The following GTF2F2 variants were observed in gnomAD, a reference collection of about 807,000 sequenced individuals.
GTF2F2 encodes ATP-dependent helicase GTF2F2.
GTF2F2 carries 23 observed loss-of-function variants against 42.2 expected under a neutral mutation model. The ratio of observed to expected loss-of-function variants is 0.55; its 90% CI spans 0.39 to 0.77. GTF2F2 has a LOEUF of 0.77. Among genes scored for constraint, GTF2F2 ranks in the 30% least tolerant of loss-of-function variants. GTF2F2 has a pLI of 0.00. For synonymous variants in GTF2F2, 105 were observed against 100.8 expected (o/e 1.04, Z -0.25); for missense variants, 261 against 287.2 (o/e 0.91, Z 0.66).
chr13:45,131,808 G>C (rs1187780616), intron 1 of GTF2F2, among the ~76,000 whole-genome samples: 1 of 151,402 alleles, frequency 6.6e-6, no homozygotes, highest in African/African-American at 2.4e-5. Flanking sequence ...GGGAGGCTGA[G>C]GTGGGAGTAT....
At chr13:45,154,407 T>C (rs559254204) in intron 4 of GTF2F2, among the ~76,000 whole-genome samples, 2 of 152,336 alleles carry the variant, frequency 1.3e-5, no homozygotes, top group South Asian at 4.1e-4. Context: ...TACAGTGTTC[T>C]CTAAAGGGAA....
intron 1 of GTF2F2, among the ~76,000 whole-genome samples, chr13:45,128,439 G>A (rs1351414933): frequency 2.0e-5 from 3 of 150,640 alleles, no homozygotes; most frequent in African/African-American, 7.3e-5. Context: ...TGGGCATGGT[G>A]GCGGGCGTCT....
intron 5 of GTF2F2, among the ~76,000 whole-genome samples, chr13:45,250,073 T>TTTG (rs1875814529): frequency 7.0e-6 from 1 of 143,456 alleles, no homozygotes; most frequent in Non-Finnish European, 1.5e-5. Flanking sequence ...TTTTTTTTTT[T>TTTG]TGAGACAGTC....
At chr13:45,216,506 T>C (rs1828817299) in intron 5 of GTF2F2, among the ~76,000 whole-genome samples, 1 of 151,946 alleles carries the variant, frequency 6.6e-6, no homozygotes, top group African/African-American at 2.4e-5. Context: ...ATCAAAGTCT[T>C]GTGTTTGTTT....
intron 4 of GTF2F2, among the ~76,000 whole-genome samples, chr13:45,192,679 C>T (rs746933693): frequency 2.0e-5 from 3 of 152,174 alleles, no homozygotes; most frequent in East Asian, 1.9e-4. Context: ...ATACATAAAA[C>T]GTAATTTTTA....
chr13:45,184,524 G>T (rs370637257), intron 4 of GTF2F2, among the ~76,000 whole-genome samples: 3 of 151,802 alleles, frequency 2.0e-5, no homozygotes, highest in African/African-American at 7.3e-5. Context: ...CAAGTGCTGG[G>T]ATTACCATGT....
chr13:45,280,580 TTGAC>T (rs924920135), intron 7 of GTF2F2, among the ~76,000 whole-genome samples: 10 of 152,190 alleles, frequency 6.6e-5, no homozygotes, highest in Non-Finnish European at 1.3e-4. Flanking sequence ...GCTTGAGAAA[TTGAC>T]TGACTATGGT....
chr13:45,194,532 C>G (rs544470707), intron 4 of GTF2F2: 1 of 1,613,056 alleles, frequency 6.2e-7, no homozygotes, highest in Non-Finnish European at 8.5e-7. Context: ...CTTCATACTC[C>G]TTTTCTTTTT....
chr13:45,229,306 C>T (rs950368350), intron 5 of GTF2F2, among the ~76,000 whole-genome samples: 5 of 152,128 alleles, frequency 3.3e-5, no homozygotes, highest in East Asian at 1.9e-4. Context: ...TACTTCCCCC[C>T]ACCTCCCACC....
chr13:45,183,690 C>T (rs1309925177), intron 4 of GTF2F2, among the ~76,000 whole-genome samples: 2 of 152,042 alleles, frequency 1.3e-5, no homozygotes, highest in Non-Finnish European at 1.5e-5. Context: ...TCAATATCTG[C>T]CCCATCACCT....
chr13:45,211,387 TA>T (rs1201803102), intron 5 of GTF2F2, among the ~76,000 whole-genome samples: 2 of 150,988 alleles, frequency 1.3e-5, no homozygotes, highest in African/African-American at 4.8e-5. Context: ...TTTTTTTTTT[TA>T]AACTGTGAAC....
At chr13:45,125,176 A>G (rs779942210) in intron 1 of GTF2F2, among the ~76,000 whole-genome samples, 2 of 152,198 alleles carry the variant, frequency 1.3e-5, no homozygotes, top group Non-Finnish European at 2.9e-5. Context: ...AATTACCTGT[A>G]TTTTTCAGAT....
chr13:45,149,662 A>C (rs1870383553), intron 2 of GTF2F2, 108 bp from the exon 3 acceptor site: 1 of 1,116,350 alleles, frequency 9.0e-7, no homozygotes, highest in African/African-American at 1.6e-5. Context: ...AATCTCTGTA[A>C]ATGTAATATT....
chr13:45,269,735 A>G (rs961235644), intron 7 of GTF2F2, among the ~76,000 whole-genome samples: 3 of 152,206 alleles, frequency 2.0e-5, no homozygotes, highest in African/African-American at 7.2e-5. Context: ...ACTTAAATAC[A>G]TTTAATACAT....
intron 5 of GTF2F2, among the ~76,000 whole-genome samples, chr13:45,251,531 C>G (rs892022672): frequency 5.9e-5 from 9 of 152,090 alleles, no homozygotes; most frequent in Admixed American, 2.6e-4. Context: ...AGAAAACAAA[C>G]TTAAAATGCA....
At chr13:45,160,010 G>A (rs980920241) in intron 4 of GTF2F2, among the ~76,000 whole-genome samples, 4 of 152,136 alleles carry the variant, frequency 2.6e-5, no homozygotes, top group Non-Finnish European at 5.9e-5. Flanking sequence ...AGCTGCATAT[G>A]CAGTGGGACT....
At chr13:45,142,112 G>C (rs188232236) in intron 2 of GTF2F2, among the ~76,000 whole-genome samples, 1 of 152,320 alleles carries the variant, frequency 6.6e-6, no homozygotes, top group East Asian at 1.9e-4. Flanking sequence ...GTAGAAGTGA[G>C]TTGAAATTAT....
Position 45,284,402 on chromosome 13 carries a change from A to G in GTF2F2, c.*841A>G, listed in dbSNP as rs1292966551. On this transcript the variant is annotated 3_prime_UTR_variant, in exon 8 of 8. Coordinates refer to ENST00000340473, the MANE Select transcript of GTF2F2 (RefSeq NM_004128.3). The stretch of plus-strand genomic sequence containing the variant: ...GCCGAGACAGAAAACGTTAGTTTCA[A>G]TTCCTGGGGCATTAAAATGTTGCTT... 1.3e-5 allele frequency: 2 copies of G among 152,168 alleles called. No individual in the cohort carries two copies. Among genetic ancestry groups the G allele is most frequent in the African/African-American group, 4.8e-5 (2 of 41,440 alleles). The allele number at this position is 152,168 out of a possible 1,614,324, so 9.4% of individuals were successfully genotyped here.
chr13:45,130,604 T>C (rs1052261583), intron 1 of GTF2F2, among the ~76,000 whole-genome samples: 4 of 151,976 alleles, frequency 2.6e-5, no homozygotes, highest in African/African-American at 7.3e-5. Flanking sequence ...AAGGCTGGAG[T>C]TGGATATAAT....
Sources: gnomAD v4.1 joint callset for allele counts (sites outside exome capture counted in the v4.1 genomes callset) on GRCh38, gnomAD v4.1.1 for gene constraint, MANE v1.5 for transcripts, NCBI Gene and HGNC (gene_info 2026-07-23, HGNC 2026-07-21) for gene names.